The following NBEA variants were observed in gnomAD, a reference collection of about 807,000 sequenced individuals.
The protein encoded by NBEA is neurobeachin, also known as lysosomal-trafficking regulator 2.
In NBEA, 44 loss-of-function variants were observed where a neutral mutation model predicts 343.4. The observed-to-expected ratio is 0.13, with a 90% CI of 0.10 to 0.16. The LOEUF (loss-of-function observed/expected upper bound fraction) is 0.16, where lower values mean the gene tolerates loss of function less well. Ranked by LOEUF, NBEA falls within the 10% of genes least tolerant of loss-of-function variation. NBEA has a pLI of 1.00. For synonymous variants in NBEA, 1,175 were observed against 1,238.7 expected, an observed-to-expected ratio of 0.95 and a Z score of 1.08; for missense variants, 2,555 against 3,631.3, an observed-to-expected ratio of 0.70 and a Z score of 7.62.
At chr13:35,356,906 T>G (rs1037926928) in intron 38 of NBEA, among the ~76,000 whole-genome samples, 3 of 152,168 alleles carry the variant, frequency 2.0e-5, no homozygotes, top group Non-Finnish European at 4.4e-5. Flanking sequence ...CTCTGACCTT[T>G]CTATCAAAAA....
chr13:34,961,012 A>G (rs1197756427), intron 1 of NBEA, among the ~76,000 whole-genome samples: 1 of 152,122 alleles, frequency 6.6e-6, no homozygotes, highest in East Asian at 1.9e-4. Context: ...TCTGAAATAA[A>G]TTGAAGATGA....
intron 45 of NBEA, among the ~76,000 whole-genome samples, chr13:35,577,094 A>G (rs902399562): frequency 6.6e-6 from 1 of 152,178 alleles, no homozygotes; most frequent in Non-Finnish European, 1.5e-5. Flanking sequence ...TTCATTCTCA[A>G]ACAGGCTTCC....
In NBEA at chr13:35,309,456, T is replaced by C. The variant is rs776973755; in HGVS notation, c.5839-72T>C. The C allele has an allele frequency of 2.8e-5, 22 of 781,770 alleles. 1 individual carries two copies. Among genetic ancestry groups the C allele is most frequent in the South Asian group, 1.8e-4 (11 of 59,624 alleles). The allele number at this position is 781,770 out of a possible 1,614,324, so 48.4% of individuals were successfully genotyped here. On this transcript the variant is annotated intron_variant, in intron 35 of 58. Coordinates refer to ENST00000379939, the MANE Select transcript of NBEA (RefSeq NM_001385012.1). ...GTGGAAGTTATTAACAATATCAACA[T>C]GATCCTTAAACCAGAAGTTACTTTC... is the stretch of plus-strand genomic sequence containing the variant.
At chr13:35,214,161 C>T (rs1280875988) in intron 33 of NBEA, among the ~76,000 whole-genome samples, 3 of 151,894 alleles carry the variant, frequency 2.0e-5, no homozygotes, top group Non-Finnish European at 4.4e-5. Flanking sequence ...TGATAGCCAT[C>T]TGGGTTTTCC....
chr13:35,430,495 G>T (rs865859494), intron 38 of NBEA, among the ~76,000 whole-genome samples: 1 of 152,000 alleles, frequency 6.6e-6, no homozygotes, highest in East Asian at 1.9e-4. Flanking sequence ...TTACTTCTGG[G>T]TTCTTGGTCA....
At chr13:35,137,315 T>C (rs1404320973) in intron 17 of NBEA, among the ~76,000 whole-genome samples, 1 of 152,000 alleles carries the variant, frequency 6.6e-6, no homozygotes, top group East Asian at 1.9e-4. Context: ...CTGGGTGTGG[T>C]GGCGGGTGCC....
intron 58 of NBEA, among the ~76,000 whole-genome samples, chr13:35,669,809 T>A (rs1361777627): frequency 1.1e-4 from 17 of 152,088 alleles, no homozygotes; most frequent in Non-Finnish European, 2.4e-4. Flanking sequence ...ATCCTCATAA[T>A]CATTGCATAT....
intron 31 of NBEA, among the ~76,000 whole-genome samples, chr13:35,208,311 T>C (rs531144223): frequency 5.9e-5 from 9 of 152,300 alleles, no homozygotes; most frequent in African/African-American, 2.2e-4. Flanking sequence ...ATTTTAAACA[T>C]GGAGAATGTG....
At chr13:35,062,730 A>C (rs1248948555) in intron 8 of NBEA, among the ~76,000 whole-genome samples, 1 of 151,868 alleles carries the variant, frequency 6.6e-6, no homozygotes, top group Non-Finnish European at 1.5e-5. Context: ...TCAACCTAGA[A>C]TTTTTTTATC....
intron 35 of NBEA, among the ~76,000 whole-genome samples, chr13:35,302,508 G>A (rs922635782): frequency 1.2e-4 from 19 of 152,226 alleles, no homozygotes; most frequent in Middle Eastern, 3.4e-3. Flanking sequence ...TTAATATTAG[G>A]TGGAACCACT....
chr13:35,191,576 AT>A (rs5802753), intron 30 of NBEA, among the ~76,000 whole-genome samples: 68,675 of 151,582 alleles, frequency 0.45, 18,668 homozygotes, highest in Non-Finnish European at 0.59. Context: ...CTTTTTGTGT[AT>A]TTTTTTTCCT....
In NBEA at chr13:35,367,688, T is replaced by G. The variant is rs140977059; in HGVS notation, c.6179+15365T>G. 5.8e-3 allele frequency among the ~76,000 whole-genome samples: 878 copies of G among 151,526 alleles called. 11 individuals are homozygous for G. Among genetic ancestry groups the G allele is most frequent in the African/African-American group, 0.02 (836 of 41,492 alleles). ...ATAGAGTATTACACAAATAGAATTT[T>G]TATGCCTGTTTTGAGTCTTAACATA... On this transcript the variant is annotated intron_variant, in intron 38 of 58. Coordinates refer to ENST00000379939, the MANE Select transcript of NBEA (RefSeq NM_001385012.1).
chr13:35,109,475 G>A (rs756410569), intron 12 of NBEA, 33 bp downstream of exon 12: 8 of 1,541,618 alleles, frequency 5.2e-6, no homozygotes, highest in Non-Finnish European at 7.0e-6. Context: ...GTTTGATTTA[G>A]TGTAATGTTA....
At chr13:35,197,820 A>G (rs2072732274) in intron 31 of NBEA, among the ~76,000 whole-genome samples, 1 of 152,138 alleles carries the variant, frequency 6.6e-6, no homozygotes, top group Non-Finnish European at 1.5e-5. Flanking sequence ...TTTAATACAC[A>G]ATATAATTTA....
chr13:35,276,269 A>G (rs1319971881), intron 34 of NBEA, among the ~76,000 whole-genome samples: 2 of 152,136 alleles, frequency 1.3e-5, no homozygotes, highest in African/African-American at 4.8e-5. Flanking sequence ...GTGTATTTGT[A>G]TAAATTTTTA....
rs2059079755 is a variant in NBEA at position 34,943,064 on chromosome 13, C to G, written c.244C>G (p.Gln82Glu). The change falls in exon 1 of 59, where the codon CAG (glutamine) becomes GAG (glutamate). Residue 82 changes from glutamine (Q) to glutamate (E), a missense_variant. Around this residue, in one of 21 missense-constraint regions of NBEA, gnomAD observed 185 missense variants for 290.6 expected, o/e 0.64. Coordinates refer to ENST00000379939, the MANE Select transcript of NBEA (RefSeq NM_001385012.1). The stretch of plus-strand genomic sequence containing the variant: ...ATTCGCAGTGTTGATTGGACTCATA[C>G]AGGTCGGAGAGGTCAGCAACAGGGA... The part of the protein sequence containing the change: ...MKFAVLIGLI[Q>E]VGEVSNRDIV... The G allele has an allele frequency of 5.6e-6, 9 of 1,613,590 alleles. No homozygotes were observed. Among genetic ancestry groups the G allele is most frequent in the African/African-American group, 1.3e-5 (1 of 74,882 alleles).
intron 38 of NBEA, among the ~76,000 whole-genome samples, chr13:35,404,186 T>A (rs1174265789): frequency 2.6e-5 from 4 of 152,072 alleles, no homozygotes; most frequent in African/African-American, 9.7e-5. Flanking sequence ...ATTGTGGAAG[T>A]CAGCGTGGCG....
intron 17 of NBEA, among the ~76,000 whole-genome samples, chr13:35,137,253 A>G (rs2067789041): frequency 6.6e-6 from 1 of 152,168 alleles, no homozygotes; most frequent in African/African-American, 2.4e-5. Flanking sequence ...GATCGAGACC[A>G]TCCTGGCTAA....
At chr13:35,500,041 C>T (rs1221162636) in intron 41 of NBEA, among the ~76,000 whole-genome samples, 1 of 152,030 alleles carries the variant, frequency 6.6e-6, no homozygotes, top group Admixed American at 6.6e-5. Context: ...TTGGGTCAAG[C>T]GTACTCTGAA....
Sources: allele counts gnomAD v4.1 joint callset (sites outside exome capture counted in the v4.1 genomes callset), GRCh38; gene constraint gnomAD v4.1.1; regional missense constraint gnomAD v4.1.1; transcripts MANE v1.5; gene names NCBI Gene and HGNC (gene_info 2026-07-23, HGNC 2026-07-21).